PTPRD: variants seen among roughly 807,000 people sequenced by gnomAD.
The protein encoded by PTPRD is protein tyrosine phosphatase receptor type D.
A neutral mutation model predicts 214.5 loss-of-function variants in PTPRD; 34 were observed. That is an observed-to-expected ratio of 0.16 (90% CI 0.12 to 0.21). The LOEUF (loss-of-function observed/expected upper bound fraction) is 0.21. Ranked by LOEUF, PTPRD falls within the 10% of genes least tolerant of loss-of-function variation. PTPRD has a pLI of 1.00. For synonymous variants in PTPRD, 1,128 were observed against 845.7 expected (o/e 1.33, Z -5.79); for missense variants, 2,545 against 2,398.7 (o/e 1.06, Z -1.27).
chr9:10,538,650 C>T (rs1014838266), intron 2 of PTPRD, among the ~76,000 whole-genome samples: 1 of 151,252 alleles, frequency 6.6e-6, no homozygotes, highest in Non-Finnish European at 1.5e-5. Context: ...TTGTTAAGTT[C>T]TCCCATATAT....
intron 8 of PTPRD, among the ~76,000 whole-genome samples, chr9:9,567,249 T>C (rs975160182): frequency 2.0e-5 from 3 of 151,614 alleles, no homozygotes; most frequent in African/African-American, 4.8e-5. Context: ...AGATGATTGA[T>C]TGTGGGTGGG....
intron 3 of PTPRD, among the ~76,000 whole-genome samples, chr9:10,286,819 T>G (rs1403499713): frequency 6.6e-6 from 1 of 152,080 alleles, no homozygotes; most frequent in Non-Finnish European, 1.5e-5. Flanking sequence ...CAGGCTGGTC[T>G]TGAACTCCTG....
chr9:9,361,929 G>A (rs1233414006), intron 9 of PTPRD, among the ~76,000 whole-genome samples: 2 of 150,890 alleles, frequency 1.3e-5, no homozygotes, highest in Non-Finnish European at 3.0e-5. Flanking sequence ...GCCTCCTGGG[G>A]TTTTTCTCAT....
intron 7 of PTPRD, among the ~76,000 whole-genome samples, chr9:9,602,277 T>G (rs7046639): frequency 0.091 from 13,827 of 152,124 alleles, 701 homozygotes; most frequent in Middle Eastern, 0.16. Context: ...TACAAATGAT[T>G]TAGGCATTTT....
At chr9:8,966,226 T>C (rs1026982616) in intron 11 of PTPRD, among the ~76,000 whole-genome samples, 1 of 152,066 alleles carries the variant, frequency 6.6e-6, no homozygotes, top group Non-Finnish European at 1.5e-5. Flanking sequence ...TCCAACATCA[T>C]TTTTCACATA....
At chr9:10,268,836 G>A (rs1407911988) in intron 3 of PTPRD, among the ~76,000 whole-genome samples, 2 of 152,172 alleles carry the variant, frequency 1.3e-5, no homozygotes, top group Admixed American at 1.3e-4. Context: ...TTACAAAAGG[G>A]GTGAAGAGGG....
At chr9:10,532,818 G>C (rs566506719) in intron 2 of PTPRD, among the ~76,000 whole-genome samples, 1 of 151,666 alleles carries the variant, frequency 6.6e-6, no homozygotes, top group Non-Finnish European at 1.5e-5. Context: ...AATTCTCTTA[G>C]GTTGTGGTTT....
At chr9:8,473,543 C>G (rs558281099) in intron 30 of PTPRD, among the ~76,000 whole-genome samples, 1 of 152,144 alleles carries the variant, frequency 6.6e-6, no homozygotes, top group Non-Finnish European at 1.5e-5. Flanking sequence ...GTCAGAAGAG[C>G]GCTACACATA....
intron 2 of PTPRD, among the ~76,000 whole-genome samples, chr9:10,535,491 TA>T (rs1328852986): frequency 3.9e-5 from 6 of 151,932 alleles, no homozygotes; most frequent in Admixed American, 3.9e-4. Flanking sequence ...CCAACATCTT[TA>T]AAAAAAAGTG....
chr9:10,256,294 C>T (rs1246175509), intron 3 of PTPRD, among the ~76,000 whole-genome samples: 2 of 151,838 alleles, frequency 1.3e-5, no homozygotes, highest in Admixed American at 6.6e-5. Flanking sequence ...ACATCTTGTC[C>T]CACTGGAAGG....
intron 10 of PTPRD, among the ~76,000 whole-genome samples, chr9:9,159,252 GA>G (rs2099884182): frequency 6.6e-6 from 1 of 152,034 alleles, no homozygotes; most frequent in Admixed American, 6.6e-5. Context: ...AATAGAAAAT[GA>G]AGAAGTGAAA....
intron 10 of PTPRD, among the ~76,000 whole-genome samples, chr9:9,164,151 A>G (rs983882175): frequency 2.6e-5 from 4 of 152,190 alleles, no homozygotes; most frequent in African/African-American, 9.6e-5. Context: ...ATACTTCTGG[A>G]GCTCAAAAGT....
At chr9:8,400,595 C>A (rs2092218197) in intron 36 of PTPRD, among the ~76,000 whole-genome samples, 1 of 152,126 alleles carries the variant, frequency 6.6e-6, no homozygotes, top group East Asian at 1.9e-4. Flanking sequence ...CTTTTCCACC[C>A]ATGCTAAGTG....
rs181865686 is a variant in PTPRD, at chr9:8,726,864, G to C, written c.64+6916C>G. ...CGCGTGCCTGTAGTTCCAGCTACTAGGGAGGCTGAGGTGAGAGGATGACTT... is the reference window on the plus strand; with the variant it reads ...CGCGTGCCTGTAGTTCCAGCTACTACGGAGGCTGAGGTGAGAGGATGACTT... On this transcript the variant is annotated intron_variant, in intron 12 of 45. Transcript: ENST00000381196. 5.0e-4 allele frequency among the ~76,000 whole-genome samples: 75 copies of C among 150,930 alleles called. 2 individuals carry two copies. Among genetic ancestry groups the C allele is most frequent in the African/African-American group, 1.8e-3 (73 of 41,144 alleles).
In PTPRD at chr9:8,337,823, C is replaced by T. The variant is rs143898827; in HGVS notation, c.5379+1099G>A. The stretch of plus-strand genomic sequence containing the variant: ...ATAGTTGGTGAGTTTACTCAAAATG[C>T]ACTTTCTATTTTCACTCACATACCT... On this transcript the variant is annotated intron_variant, in intron 43 of 45. Coordinates refer to ENST00000381196, the MANE Select transcript of PTPRD (RefSeq NM_002839.4). Among the ~76,000 whole-genome samples, 746 of 151,994 alleles carry T rather than the reference C, an allele frequency of 4.9e-3. 8 individuals are homozygous for T. The highest frequency in any genetic ancestry group is 0.018 in the African/African-American group (729 of 41,482).
At chr9:9,947,479 A>ATT (rs1179815850) in intron 4 of PTPRD, among the ~76,000 whole-genome samples, 1,034 of 26,308 alleles carry the variant, frequency 0.039, 121 homozygotes, top group African/African-American at 0.16. Context: ...TATTATATAT[A>ATT]TTTTATATAT....
At chr9:9,867,931 G>T (rs2064397603) in intron 5 of PTPRD, among the ~76,000 whole-genome samples, 1 of 152,136 alleles carries the variant, frequency 6.6e-6, no homozygotes, top group Non-Finnish European at 1.5e-5. Flanking sequence ...CCAAACATGA[G>T]TAAGACTGTT....
intron 9 of PTPRD, among the ~76,000 whole-genome samples, chr9:9,318,561 T>C (rs986973319): frequency 6.6e-6 from 1 of 152,196 alleles, no homozygotes; most frequent in Admixed American, 6.5e-5. Flanking sequence ...AGATCTATCC[T>C]AGAAAACACT....
At chr9:9,637,809 C>A (rs1455929875) in intron 7 of PTPRD, among the ~76,000 whole-genome samples, 1 of 152,332 alleles carries the variant, frequency 6.6e-6, no homozygotes, top group Non-Finnish European at 1.5e-5. Context: ...TAGTGGGGCA[C>A]TGTGTGGCAG....
Sources: allele counts gnomAD v4.1 joint callset (sites outside exome capture counted in the v4.1 genomes callset), GRCh38; gene constraint gnomAD v4.1.1; transcripts MANE v1.5; gene names NCBI Gene and HGNC (gene_info 2026-07-23, HGNC 2026-07-21).